FAM20B: variants seen among roughly 807,000 people sequenced by gnomAD.
FAM20B encodes FAM20B glycosaminoglycan xylosylkinase.
A neutral mutation model predicts 43.8 loss-of-function variants in FAM20B; 23 were observed. The observed-to-expected ratio is 0.53, with a 90% CI of 0.38 to 0.74. FAM20B has a LOEUF of 0.74. Among genes scored for constraint, FAM20B ranks in the 30% least tolerant of loss-of-function variants. FAM20B has a pLI of 0.00. For synonymous variants in FAM20B, 178 were observed against 192.4 expected, an observed-to-expected ratio of 0.93 and a Z score of 0.62; for missense variants, 440 against 510.5, an observed-to-expected ratio of 0.86 and a Z score of 1.33.
upstream of FAM20B, among the ~76,000 whole-genome samples, chr1:179,021,808 C>G (rs1649608369): frequency 6.6e-6 from 1 of 152,178 alleles, no homozygotes; most frequent in African/African-American, 2.4e-5. Flanking sequence ...AGTGGTTGCT[C>G]AACTCTGTAA....
chr1:179,029,695 G>A lies in FAM20B; in HGVS notation c.-134+3597G>A, dbSNP rs147037534. Among the ~76,000 whole-genome samples the A allele has an allele frequency of 3.0e-3, 461 of 152,314 alleles. 2 individuals carry two copies. Among genetic ancestry groups the A allele is most frequent in the Non-Finnish European group, 5.5e-3 (371 of 68,018 alleles). On this transcript the variant is annotated intron_variant, in intron 1 of 7. Coordinates refer to ENST00000263733, the MANE Select transcript of FAM20B (RefSeq NM_014864.4). Reference sequence around the variant, plus strand: ...TCAAGGAATATGAAATTATGAATGTGTAAAGAGGACAGAACCAAGTACAGA... The same window carrying A: ...TCAAGGAATATGAAATTATGAATGTATAAAGAGGACAGAACCAAGTACAGA...
intron 3 of FAM20B, among the ~76,000 whole-genome samples, chr1:179,053,918 C>G (rs1651110230): frequency 6.6e-6 from 1 of 152,172 alleles, no homozygotes. Context: ...TTATTTTCTT[C>G]ATTGTAAATT....
intron 1 of FAM20B, among the ~76,000 whole-genome samples, chr1:179,033,753 C>T (rs1025393097): frequency 1.3e-5 from 2 of 151,960 alleles, no homozygotes; most frequent in African/African-American, 2.4e-5. Flanking sequence ...AGTGTAGTGG[C>T]GTGATGTCGG....
At chr1:179,042,951 G>A (rs940281767) in intron 1 of FAM20B, among the ~76,000 whole-genome samples, 11 of 152,192 alleles carry the variant, frequency 7.2e-5, no homozygotes, top group African/African-American at 2.4e-4. Context: ...AGTTCTCACT[G>A]TGGTTTGCGG....
chr1:179,021,104 G>T (rs1486488035), upstream of FAM20B, among the ~76,000 whole-genome samples: 3 of 152,156 alleles, frequency 2.0e-5, no homozygotes, highest in African/African-American at 7.2e-5. Context: ...CAGCCAGACT[G>T]ATAATTGTCC....
intron 6 of FAM20B, 29 bp from the exon 7 acceptor site, chr1:179,066,771 A>G (rs1315671095): frequency 2.6e-6 from 4 of 1,513,628 alleles, no homozygotes; most frequent in Non-Finnish European, 3.7e-6. Context: ...ACTTCCACCT[A>G]ATTCACTAAG....
chr1:179,024,231 C>T (rs552501274), upstream of FAM20B, among the ~76,000 whole-genome samples: 3 of 152,228 alleles, frequency 2.0e-5, no homozygotes, highest in African/African-American at 7.2e-5. Context: ...AATGACTGCC[C>T]CCTGCCCTCA....
intron 2 of FAM20B, among the ~76,000 whole-genome samples, chr1:179,048,185 G>A (rs1382936448): frequency 1.3e-5 from 2 of 152,260 alleles, no homozygotes; most frequent in East Asian, 1.9e-4. Context: ...GAAGGCAGGG[G>A]CCTAGAAGCG....
chr1:179,026,902 G>A (rs1323880622), intron 1 of FAM20B, among the ~76,000 whole-genome samples: 1 of 152,236 alleles, frequency 6.6e-6, no homozygotes, highest in African/African-American at 2.4e-5. Context: ...AGAAGAGAAG[G>A]GGTAGAAGGA....
rs559097849 is a variant in FAM20B at position 179,065,967 on chromosome 1, A to T, written c.939-833A>T. Among the ~76,000 whole-genome samples, 301 of 152,258 alleles carry T rather than the reference A, an allele frequency of 2.0e-3. 1 individual carries two copies. The highest frequency in any genetic ancestry group is 3.4e-3 in the Middle Eastern group (1 of 294). ...AGGTAAACACGCTCCCTCTGGCCTCATTTATAAGGGCACTAATCCCGTTCA... is the reference window on the plus strand; with the variant it reads ...AGGTAAACACGCTCCCTCTGGCCTCTTTTATAAGGGCACTAATCCCGTTCA... On this transcript the variant is annotated intron_variant, in intron 6 of 7. Transcript: ENST00000263733.
At chr1:179,040,936 G>A (rs1376003363) in intron 1 of FAM20B, among the ~76,000 whole-genome samples, 5 of 149,812 alleles carry the variant, frequency 3.3e-5, no homozygotes, top group African/African-American at 7.4e-5. Context: ...CCTCCCAGAC[G>A]GGGTCACGGC....
At chr1:179,048,612 G>A (rs1333903485) in intron 2 of FAM20B, among the ~76,000 whole-genome samples, 1 of 152,208 alleles carries the variant, frequency 6.6e-6, no homozygotes, top group Non-Finnish European at 1.5e-5. Context: ...TACCTGAATA[G>A]TGTCAGCTTT....
At position 179,044,154 on chromosome 1, in the gene FAM20B, T is replaced by C; in HGVS notation, c.307T>C (p.Tyr103His). The change falls in exon 2 of 8, where the codon TAT becomes CAT. Residue 103 changes from tyrosine to histidine, a missense_variant. Tyr to His is a moderately conservative substitution (Grantham distance 83). Coordinates refer to ENST00000263733, the MANE Select transcript of FAM20B (RefSeq NM_014864.4). ...GAAAATCATTAAAGCTGATGTGGGT[T>C]ATAAAGGGACACAGCTGAAAGCCTT... Reference protein sequence around the residue: ...TKKIIKADVGYKGTQLKALLI... With the variant: ...TKKIIKADVGHKGTQLKALLI... 2.5e-6 allele frequency: 4 copies of C among 1,614,098 alleles called. No homozygotes were observed. The African/African-American group carries it at 4.0e-5, about 16-fold the overall frequency.
In FAM20B at chr1:179,076,280, T is replaced by C. The variant is rs1652125092; in HGVS notation, c.*4136T>C. The C allele has an allele frequency of 6.6e-6, 1 of 152,198 alleles. No individual in the cohort carries two copies. The highest frequency in any genetic ancestry group is 2.4e-5 in the African/African-American group (1 of 41,456). The allele number at this position is 152,198 out of a possible 1,614,324, so 9.4% of individuals were successfully genotyped here. On this transcript the variant is annotated 3_prime_UTR_variant, in exon 8 of 8. Coordinates refer to ENST00000263733, the MANE Select transcript of FAM20B (RefSeq NM_014864.4). ...TGGTGACAAGGTAGGGGCTAGGTAC[T>C]GGACTACCACAGGTTTTTAGGAACT...
At chr1:179,031,351 T>C (rs921786939) in intron 1 of FAM20B, among the ~76,000 whole-genome samples, 2 of 152,260 alleles carry the variant, frequency 1.3e-5, no homozygotes, top group African/African-American at 4.8e-5. Flanking sequence ...TCAAGATTAC[T>C]GCGTGTGTTG....
intron 4 of FAM20B, among the ~76,000 whole-genome samples, chr1:179,055,084 A>G (rs1369996895): frequency 6.6e-6 from 1 of 152,200 alleles, no homozygotes; most frequent in Non-Finnish European, 1.5e-5. Context: ...CTCAGAAATT[A>G]TTTTGTAAGG....
upstream of FAM20B, among the ~76,000 whole-genome samples, chr1:179,022,417 G>A (rs1430970585): frequency 1.3e-5 from 2 of 152,162 alleles, no homozygotes; most frequent in Non-Finnish European, 2.9e-5. Flanking sequence ...GATCCATCAT[G>A]GTGGCTGTGT....
At chr1:179,031,869 T>C (rs995209872) in intron 1 of FAM20B, among the ~76,000 whole-genome samples, 1 of 152,202 alleles carries the variant, frequency 6.6e-6, no homozygotes, top group African/African-American at 2.4e-5. Context: ...TATTTTAGCC[T>C]TTTTTTGTGA....
At chr1:179,034,411 TA>T (rs1484073407) in intron 1 of FAM20B, among the ~76,000 whole-genome samples, 3 of 152,074 alleles carry the variant, frequency 2.0e-5, no homozygotes, top group African/African-American at 7.2e-5. Flanking sequence ...TCTTTTTTTT[TA>T]ATAATGGAGA....
Sources: allele counts gnomAD v4.1 joint callset (sites outside exome capture counted in the v4.1 genomes callset), GRCh38; gene constraint gnomAD v4.1.1; transcripts MANE v1.5; gene names NCBI Gene and HGNC (gene_info 2026-07-23, HGNC 2026-07-21).